The following FHIT variants were observed in gnomAD, a reference collection of about 807,000 sequenced individuals.
FHIT encodes the protein fragile histidine triad diadenosine triphosphatase, also known as bis(5'-adenosyl)-triphosphatase.
In FHIT, 19 loss-of-function variants were observed where a neutral mutation model predicts 17.9. The ratio of observed to expected loss-of-function variants is 1.06; its 90% confidence interval spans 0.74 to 1.56. The LOEUF (loss-of-function observed/expected upper bound fraction) is 1.56. FHIT is among the 40% of genes most tolerant of loss of function. FHIT has a pLI of 0.00. For synonymous variants in FHIT, 81 were observed against 69.7 expected, an observed-to-expected ratio of 1.16 and a Z score of -0.81; for missense variants, 248 against 189.2, an observed-to-expected ratio of 1.31 and a Z score of -1.82.
intron 3 of FHIT, among the ~76,000 whole-genome samples, chr3:60,950,047 G>A (rs983097357): frequency 4.6e-5 from 7 of 152,112 alleles, no homozygotes; most frequent in East Asian, 3.9e-4. Context: ...GCTTAGTGAC[G>A]TTGTAGTTGT....
At chr3:61,223,455 T>C (rs2039890785) in intron 1 of FHIT, among the ~76,000 whole-genome samples, 1 of 152,218 alleles carries the variant, frequency 6.6e-6, no homozygotes, top group African/African-American at 2.4e-5. Flanking sequence ...ATGTGCGAGC[T>C]CAAAGTTAAA....
intron 8 of FHIT, among the ~76,000 whole-genome samples, chr3:59,881,846 A>T (rs1448815663): frequency 6.6e-6 from 1 of 152,212 alleles, no homozygotes; most frequent in African/African-American, 2.4e-5. Context: ...TTGAAATAAG[A>T]TAAACCTGTC....
chr3:60,790,674 G>A (rs1399114090), intron 4 of FHIT, among the ~76,000 whole-genome samples: 1 of 152,144 alleles, frequency 6.6e-6, no homozygotes, highest in Non-Finnish European at 1.5e-5. Context: ...ATGAATATAT[G>A]GAGCAGGGGC....
chr3:60,133,885 C>G (rs1292612493), intron 5 of FHIT, among the ~76,000 whole-genome samples: 1 of 150,026 alleles, frequency 6.7e-6, no homozygotes, highest in Non-Finnish European at 1.5e-5. Context: ...ACAGTTTCCC[C>G]TTCCCTTGAA....
intron 4 of FHIT, among the ~76,000 whole-genome samples, chr3:60,619,391 G>T (rs1409825220): frequency 1.3e-5 from 2 of 152,072 alleles, no homozygotes; most frequent in Non-Finnish European, 2.9e-5. Flanking sequence ...ACATGGAAAA[G>T]CAAAAGATTC....
At chr3:61,242,359 G>A (rs1351574190) in intron 1 of FHIT, among the ~76,000 whole-genome samples, 1 of 151,870 alleles carries the variant, frequency 6.6e-6, no homozygotes, top group Non-Finnish European at 1.5e-5. Context: ...CTTTGTAAAG[G>A]TGACATATTT....
chr3:61,001,615 G>T (rs1215908815), intron 3 of FHIT, among the ~76,000 whole-genome samples: 1 of 152,168 alleles, frequency 6.6e-6, no homozygotes, highest in Non-Finnish European at 1.5e-5. Context: ...TAATCATAGA[G>T]ATCAAGAATA....
At chr3:59,908,606 A>T (rs1004742465) in intron 8 of FHIT, among the ~76,000 whole-genome samples, 2 of 152,098 alleles carry the variant, frequency 1.3e-5, no homozygotes, top group East Asian at 1.9e-4. Flanking sequence ...GGCCAAGGAA[A>T]CAACAGCCAA....
intron 5 of FHIT, among the ~76,000 whole-genome samples, chr3:60,112,648 A>C (rs998375009): frequency 1.3e-5 from 2 of 152,230 alleles, no homozygotes; most frequent in Admixed American, 1.3e-4. Flanking sequence ...AAGCTGGCTA[A>C]AAGAGAATCT....
chr3:60,580,736 A>G (rs1553659457), intron 4 of FHIT, among the ~76,000 whole-genome samples: 1 of 152,060 alleles, frequency 6.6e-6, no homozygotes, highest in Non-Finnish European at 1.5e-5. Flanking sequence ...TCCTTACAAA[A>G]GTTTCTTCCA....
chr3:60,704,876 G>C (rs912767548), intron 4 of FHIT, among the ~76,000 whole-genome samples: 1 of 151,932 alleles, frequency 6.6e-6, no homozygotes, highest in African/African-American at 2.4e-5. Context: ...TATCTTGAGA[G>C]GCTGATAAGT....
intron 4 of FHIT, among the ~76,000 whole-genome samples, chr3:60,638,333 C>T (rs2039640669): frequency 2.0e-5 from 3 of 152,112 alleles, no homozygotes; most frequent in South Asian, 4.2e-4. Flanking sequence ...AATAATGGGT[C>T]TAGACAACCA....
At chr3:60,417,648 G>A (rs1055797849) in intron 5 of FHIT, among the ~76,000 whole-genome samples, 1 of 152,178 alleles carries the variant, frequency 6.6e-6, no homozygotes, top group African/African-American at 2.4e-5. Context: ...GCAGATGACA[G>A]CATCAAGACA....
At chr3:60,389,466 G>C (rs1701140290) in intron 5 of FHIT, among the ~76,000 whole-genome samples, 2 of 152,102 alleles carry the variant, frequency 1.3e-5, no homozygotes, top group African/African-American at 4.8e-5. Context: ...TCACACGTAG[G>C]CTTTCTGCTT....
intron 5 of FHIT, among the ~76,000 whole-genome samples, chr3:60,049,326 G>A (rs1701779944): frequency 6.6e-6 from 1 of 151,936 alleles, no homozygotes; most frequent in Non-Finnish European, 1.5e-5. Flanking sequence ...GCAGCTACCG[G>A]GCATTTGAAA....
intron 5 of FHIT, among the ~76,000 whole-genome samples, chr3:60,039,717 T>G (rs1701359752): frequency 6.6e-6 from 1 of 152,232 alleles, no homozygotes; most frequent in Admixed American, 6.5e-5. Context: ...TTCAATACTT[T>G]CACACTGGGA....
intron 1 of FHIT, among the ~76,000 whole-genome samples, chr3:61,227,514 G>A (rs1261443083): frequency 6.6e-6 from 1 of 151,894 alleles, no homozygotes; most frequent in Non-Finnish European, 1.5e-5. Flanking sequence ...ACAATACCAA[G>A]AGCATAAATT....
At chr3:60,573,506 AC>A (rs1553656469) in intron 4 of FHIT, among the ~76,000 whole-genome samples, 1 of 152,136 alleles carries the variant, frequency 6.6e-6, no homozygotes, top group African/African-American at 2.4e-5. Flanking sequence ...TCCCTTCCCA[AC>A]AGCCTGCAAT....
At chr3:59,919,529 A>G (rs567119149) in intron 8 of FHIT, among the ~76,000 whole-genome samples, 6 of 152,156 alleles carry the variant, frequency 3.9e-5, no homozygotes, top group Admixed American at 6.5e-5. Flanking sequence ...TAGTCTCCAA[A>G]TCTGTTTTCA....
Sources: gnomAD v4.1 joint callset for allele counts (sites outside exome capture counted in the v4.1 genomes callset) on GRCh38, gnomAD v4.1.1 for gene constraint, MANE v1.5 for transcripts, NCBI Gene and HGNC (gene_info 2026-07-23, HGNC 2026-07-21) for gene names.